The following TAFA1 variants were observed in gnomAD, a reference collection of about 807,000 sequenced individuals.
TAFA1 encodes the protein chemokine-like protein TAFA-1.
TAFA1 carries 4 observed loss-of-function variants against 18.5 expected under a neutral mutation model. That is an observed-to-expected ratio of 0.22 (90% CI 0.11 to 0.49). The LOEUF is 0.49. TAFA1 is among the 20% of genes least tolerant of loss of function. The pLI is 0.98. For synonymous variants in TAFA1, 56 were observed against 55.2 expected, an observed-to-expected ratio of 1.01 and a Z score of -0.06; for missense variants, 147 against 169.0, an observed-to-expected ratio of 0.87 and a Z score of 0.72.
intron 3 of TAFA1, among the ~76,000 whole-genome samples, chr3:68,446,576 A>G (rs1995878): frequency 0.12 from 17,693 of 152,220 alleles, 1,453 homozygotes; most frequent in East Asian, 0.29. Flanking sequence ...AGGTAATTGA[A>G]TTACCCACTT....
intron 2 of TAFA1, among the ~76,000 whole-genome samples, chr3:68,174,112 A>G (rs2066094194): frequency 6.6e-6 from 1 of 152,246 alleles, no homozygotes; most frequent in Non-Finnish European, 1.5e-5. Flanking sequence ...AGATCTACAG[A>G]ATCAAAATCT....
intron 2 of TAFA1, among the ~76,000 whole-genome samples, chr3:68,342,229 A>G (rs973733901): frequency 1.3e-5 from 2 of 152,206 alleles, no homozygotes; most frequent in African/African-American, 4.8e-5. Context: ...CCCATGTGAG[A>G]TCCAAACCAG....
At chr3:68,500,279 A>G (rs1392927908) in intron 3 of TAFA1, among the ~76,000 whole-genome samples, 3 of 152,170 alleles carry the variant, frequency 2.0e-5, no homozygotes, top group Non-Finnish European at 4.4e-5. Context: ...TATTCTTCTT[A>G]AAAAATACCC....
intron 2 of TAFA1, among the ~76,000 whole-genome samples, chr3:68,121,873 T>C (rs528591114): frequency 2.6e-5 from 4 of 152,278 alleles, no homozygotes; most frequent in African/African-American, 9.6e-5. Flanking sequence ...GAATGAGTTC[T>C]GTAATTTTGC....
intron 2 of TAFA1, among the ~76,000 whole-genome samples, chr3:68,410,918 G>A (rs1034122276): frequency 1.3e-5 from 2 of 152,150 alleles, no homozygotes; most frequent in Non-Finnish European, 2.9e-5. Context: ...TGGCAGTTAA[G>A]TTTGAAAGGA....
intron 2 of TAFA1, among the ~76,000 whole-genome samples, chr3:68,299,248 A>G (rs2068264258): frequency 6.6e-6 from 1 of 152,210 alleles, no homozygotes; most frequent in South Asian, 2.1e-4. Context: ...AAGACAGCTA[A>G]GTTACTCTGA....
intron 2 of TAFA1, among the ~76,000 whole-genome samples, chr3:68,134,900 T>C (rs2065588315): frequency 6.6e-6 from 1 of 152,216 alleles, no homozygotes; most frequent in South Asian, 2.1e-4. Context: ...AAACCCCAAA[T>C]AATAGTGGCT....
intron 2 of TAFA1, among the ~76,000 whole-genome samples, chr3:68,380,781 C>T (rs1036126173): frequency 5.9e-5 from 9 of 151,572 alleles, no homozygotes; most frequent in Admixed American, 2.6e-4. Flanking sequence ...TAATTAGATC[C>T]CATTTGTCAA....
chr3:68,493,928 A>G lies in TAFA1; in HGVS notation c.260-44828A>G, dbSNP rs1423716023. Among the ~76,000 whole-genome samples the G allele has an allele frequency of 3.9e-5, 6 of 152,310 alleles. No individual in the cohort carries two copies. In the East Asian group the frequency reaches 5.8e-4, roughly 15 times the overall value. On this transcript the variant is annotated intron_variant, in intron 3 of 4. Coordinates refer to ENST00000478136, the MANE Select transcript of TAFA1 (RefSeq NM_213609.4). ...AATGGTGTGTTGATTTGGAGCTTCC[A>G]ATTCAGAATCTGATAACCAGGAGTT...
chr3:68,064,425 G>T (rs1259390191), intron 2 of TAFA1, among the ~76,000 whole-genome samples: 3 of 152,144 alleles, frequency 2.0e-5, no homozygotes, highest in African/African-American at 7.2e-5. Flanking sequence ...TTTAAATGCA[G>T]TTTCTTGTAT....
At chr3:68,027,452 T>C (rs1704841064) in intron 2 of TAFA1, among the ~76,000 whole-genome samples, 1 of 152,186 alleles carries the variant, frequency 6.6e-6, no homozygotes, top group African/African-American at 2.4e-5. Context: ...TCCAGGCTAA[T>C]TGTTTGTCAT....
At chr3:68,267,942 T>G (rs1045569441) in intron 2 of TAFA1, among the ~76,000 whole-genome samples, 1 of 152,174 alleles carries the variant, frequency 6.6e-6, no homozygotes, top group Non-Finnish European at 1.5e-5. Flanking sequence ...AAATACAAAC[T>G]GGCAAAGATA....
At chr3:68,369,946 T>C (rs1448623658) in intron 2 of TAFA1, among the ~76,000 whole-genome samples, 1 of 152,058 alleles carries the variant, frequency 6.6e-6, no homozygotes, top group African/African-American at 2.4e-5. Flanking sequence ...GGAAGCTGAA[T>C]GCCGAAATGT....
At chr3:68,327,938 T>C (rs1440003652) in intron 2 of TAFA1, among the ~76,000 whole-genome samples, 3 of 152,224 alleles carry the variant, frequency 2.0e-5, no homozygotes, top group Admixed American at 6.5e-5. Flanking sequence ...TGTAGCATTT[T>C]ATGGTATGGA....
At chr3:68,329,628 A>AGTT (rs1274799094) in intron 2 of TAFA1, among the ~76,000 whole-genome samples, 1 of 152,196 alleles carries the variant, frequency 6.6e-6, no homozygotes, top group African/African-American at 2.4e-5. Context: ...TAATGCCCAC[A>AGTT]GTCTCATATG....
chr3:68,100,793 T>C (rs961213502), intron 2 of TAFA1, among the ~76,000 whole-genome samples: 2 of 152,094 alleles, frequency 1.3e-5, no homozygotes, highest in Admixed American at 1.3e-4. Flanking sequence ...ATCCCTCTTC[T>C]TAAGAATCCT....
At chr3:68,168,508 T>C (rs2066012984) in intron 2 of TAFA1, among the ~76,000 whole-genome samples, 1 of 152,270 alleles carries the variant, frequency 6.6e-6, no homozygotes, top group Non-Finnish European at 1.5e-5. Context: ...AGACCTTGAC[T>C]GGTTATAAAT....
chr3:68,262,944 A>G (rs973174376), intron 2 of TAFA1, among the ~76,000 whole-genome samples: 1 of 152,202 alleles, frequency 6.6e-6, no homozygotes, highest in Admixed American at 6.5e-5. Flanking sequence ...TAATTTCTGT[A>G]GTTTTATTGA....
intron 2 of TAFA1, among the ~76,000 whole-genome samples, chr3:68,259,467 T>A (rs970256077): frequency 2.4e-4 from 36 of 152,220 alleles, no homozygotes; most frequent in Non-Finnish European, 4.7e-4. Flanking sequence ...TTTCCAATTA[T>A]GTGAAGAAAG....
Sources: allele counts gnomAD v4.1 joint callset (sites outside exome capture counted in the v4.1 genomes callset), GRCh38; gene constraint gnomAD v4.1.1; transcripts MANE v1.5; gene names NCBI Gene and HGNC (gene_info 2026-07-23, HGNC 2026-07-21).